Variants in HARBI1 observed in about 807,000 individuals in gnomAD.
HARBI1 encodes putative nuclease HARBI1.
A neutral mutation model predicts 25.3 loss-of-function variants in HARBI1; 15 were observed. The ratio of observed to expected loss-of-function variants is 0.59; its 90% CI spans 0.40 to 0.91. The LOEUF is 0.91. Ranked by LOEUF, HARBI1 falls within the 40% of genes least tolerant of loss-of-function variation. The probability of loss-of-function intolerance (pLI) is 0.00; values close to 1 mark genes in which losing one functional copy is unlikely to be tolerated. For missense variants in HARBI1, 396 were observed against 445.8 expected (o/e 0.89, Z 1.01); for synonymous variants, 168 against 160.5 (o/e 1.05, Z -0.35).
At position 46,603,370 on chromosome 11, in the gene HARBI1, T is replaced by TG; in HGVS notation, c.*159dup. ...CATATGCAAATGAATCAAGATATTC[T>TG]GGCATAGCCCCAACCTTACCAAAAC... On this transcript the variant is annotated 3_prime_UTR_variant, in exon 3 of 3. Coordinates refer to ENST00000326737, the MANE Select transcript of HARBI1 (RefSeq NM_173811.4). The TG allele has an allele frequency of 1.5e-6, 1 of 654,954 alleles. No homozygotes were observed. The highest frequency in any genetic ancestry group is 2.8e-5 in the Admixed American group (1 of 35,446). The allele number at this position is 654,954 out of a possible 1,614,324, so 40.6% of individuals were successfully genotyped here. A position where few individuals can be genotyped will look rare whatever the true frequency, so the allele number is the denominator to read the frequency against.
intron 2 of HARBI1, chr11:46,604,493 T>C: frequency 1.0e-6 from 1 of 975,038 alleles, no homozygotes; most frequent in Non-Finnish European, 1.2e-6. Flanking sequence ...TCAAATAGCA[T>C]GCCAATCTTC....
chr11:46,608,220 C>T (rs1003302492), intron 2 of HARBI1, among the ~76,000 whole-genome samples: 1 of 152,104 alleles, frequency 6.6e-6, no homozygotes, highest in African/African-American at 2.4e-5. Context: ...ATTGCTTGAA[C>T]CCAGGAGGCA....
chr11:46,605,579 G>T (rs1218122269), intron 2 of HARBI1, among the ~76,000 whole-genome samples: 1 of 144,616 alleles, frequency 6.9e-6, no homozygotes, highest in Non-Finnish European at 1.5e-5. Flanking sequence ...TCCCCTCCCA[G>T]GTATAACCTT....
upstream of HARBI1, chr11:46,617,540 A>ACCCCCCCCCCCCC (rs1248618726): frequency 1.2e-5 from 1 of 80,262 alleles, no homozygotes; most frequent in Non-Finnish European, 2.2e-5. Flanking sequence ...GCCCTCTTTC[A>ACCCCCCCCCCCCC]CCCCCCCCCC....
chr11:46,607,739 C>T (rs2045009889), intron 2 of HARBI1, among the ~76,000 whole-genome samples: 2 of 152,054 alleles, frequency 1.3e-5, no homozygotes, highest in Admixed American at 1.3e-4. Context: ...GACATTTTGG[C>T]AGATCTTACC....
intron 2 of HARBI1, among the ~76,000 whole-genome samples, chr11:46,611,782 C>T (rs1166502738): frequency 6.6e-6 from 1 of 151,698 alleles, no homozygotes; most frequent in African/African-American, 2.4e-5. Context: ...CCCAAGTACT[C>T]CCACAGCTAC....
intron 2 of HARBI1, among the ~76,000 whole-genome samples, chr11:46,612,969 G>A (rs2045241090): frequency 8.3e-6 from 1 of 121,074 alleles, no homozygotes; most frequent in Non-Finnish European, 1.7e-5. Flanking sequence ...ACCACACCCG[G>A]ATTTTTTTTT....
At chr11:46,614,845 A>G (rs1054275363) in intron 2 of HARBI1, among the ~76,000 whole-genome samples, 1 of 152,176 alleles carries the variant, frequency 6.6e-6, no homozygotes, top group Non-Finnish European at 1.5e-5. Context: ...AGGTCTCATA[A>G]AAAACTGACA....
intron 2 of HARBI1, among the ~76,000 whole-genome samples, chr11:46,608,904 C>T (rs981879559): frequency 3.4e-5 from 5 of 148,560 alleles, no homozygotes; most frequent in South Asian, 4.3e-4. Context: ...CTTGAGCCAC[C>T]GCACCTGACA....
chr11:46,608,511 C>A (rs1233852262), intron 2 of HARBI1, among the ~76,000 whole-genome samples: 5 of 152,072 alleles, frequency 3.3e-5, no homozygotes, highest in African/African-American at 4.8e-5. Flanking sequence ...ATAGCACGAT[C>A]GTAGCTCACT....
upstream of HARBI1, chr11:46,617,668 C>G: frequency 2.6e-6 from 1 of 390,352 alleles, no homozygotes; most frequent in Non-Finnish European, 4.5e-6. Context: ...CACTGAAGAG[C>G]GCCAGTCGAC....
At chr11:46,612,083 C>T (rs2045204016) in intron 2 of HARBI1, among the ~76,000 whole-genome samples, 1 of 152,138 alleles carries the variant, frequency 6.6e-6, no homozygotes, top group Admixed American at 6.6e-5. Flanking sequence ...TGCTAGTAAA[C>T]ATGTTAAAGA....
At position 46,605,719 on chromosome 11, in the gene HARBI1, C is replaced by A. The variant is rs2044917661; in HGVS notation, c.671-1810G>T. ...TCTCCTGTCTCAGCCTCCTGAGTAG[C>A]TGGGACTACAGGCACACGCCACCAC... On this transcript the variant is annotated intron_variant, in intron 2 of 2. Coordinates refer to ENST00000326737, the MANE Select transcript of HARBI1 (RefSeq NM_173811.4). 2.7e-5 allele frequency among the ~76,000 whole-genome samples: 4 copies of A among 150,566 alleles called. No individual in the cohort carries two copies. In the Admixed American group the frequency reaches 2.7e-4, roughly 10 times the overall value.
chr11:46,613,901 A>T, intron 2 of HARBI1, among the ~76,000 whole-genome samples: 1 of 151,836 alleles, frequency 6.6e-6, no homozygotes, highest in East Asian at 1.9e-4. Context: ...GAGCTCCTGG[A>T]TTCAAGTGAC....
chr11:46,614,068 C>G (rs2045287388), intron 2 of HARBI1, among the ~76,000 whole-genome samples: 1 of 151,654 alleles, frequency 6.6e-6, no homozygotes, highest in Admixed American at 6.6e-5. Context: ...AAATATATAC[C>G]TGTAAGATAA....
intron 2 of HARBI1, among the ~76,000 whole-genome samples, chr11:46,607,110 C>G (rs963814636): frequency 3.9e-5 from 6 of 151,904 alleles, no homozygotes; most frequent in Non-Finnish European, 8.8e-5. Context: ...ACTAAAAATA[C>G]AAAAATTAGC....
At chr11:46,613,015 C>T (rs1443021327) in intron 2 of HARBI1, among the ~76,000 whole-genome samples, 5 of 93,644 alleles carry the variant, frequency 5.3e-5, no homozygotes, top group Non-Finnish European at 1.0e-4. Flanking sequence ...AGTCTTGCTC[C>T]ATCGCCCAGG....
intron 2 of HARBI1, among the ~76,000 whole-genome samples, chr11:46,609,055 C>T (rs892974524): frequency 6.6e-6 from 1 of 151,890 alleles, no homozygotes; most frequent in African/African-American, 2.4e-5. Context: ...TCCCGAGTAG[C>T]TGGGATTACA....
chr11:46,611,537 G>A (rs1400715378), intron 2 of HARBI1, among the ~76,000 whole-genome samples: 2 of 151,444 alleles, frequency 1.3e-5, no homozygotes, highest in African/African-American at 4.9e-5. Flanking sequence ...ATGACAAAAC[G>A]CCAGCTTTAC....
Sources: gnomAD v4.1 joint callset for allele counts (sites outside exome capture counted in the v4.1 genomes callset) on GRCh38, gnomAD v4.1.1 for gene constraint, MANE v1.5 for transcripts, NCBI Gene and HGNC (gene_info 2026-07-23, HGNC 2026-07-21) for gene names.